The following POLM variants were observed in gnomAD, a reference collection of about 807,000 sequenced individuals.
The protein encoded by POLM is DNA-directed DNA/RNA polymerase mu.
POLM carries 52 observed loss-of-function variants against 56.7 expected under a neutral mutation model. The observed-to-expected ratio is 0.92, with a 90% CI of 0.73 to 1.15. POLM has a LOEUF of 1.15. Ranked by LOEUF, POLM falls within the 50% of genes most tolerant of loss-of-function variation. The pLI is 0.00. For missense variants in POLM, 660 were observed against 663.6 expected, an observed-to-expected ratio of 0.99 and a Z score of 0.06; for synonymous variants, 273 against 274.3, an observed-to-expected ratio of 1.00 and a Z score of 0.05.
chr7:44,072,217 G>A lies in POLM; in HGVS notation c.*1074C>T, dbSNP rs1469593729. 2.6e-5 allele frequency: 4 copies of A among 152,192 alleles called. No individual in the cohort carries two copies. The highest frequency in any genetic ancestry group is 6.5e-5 in the Admixed American group (1 of 15,276). 9.4% of individuals were successfully genotyped at this position (152,192 alleles called of 1,614,324 possible). A position where few individuals can be genotyped will look rare whatever the true frequency, so the allele number is the denominator to read the frequency against. ...TGGGGATGGACCTGGTGTGCCCTAC[G>A]TGTGCAAAAACTGCACCCCAAGAGT... On this transcript the variant is annotated 3_prime_UTR_variant, in exon 11 of 11. Coordinates refer to ENST00000242248, the MANE Select transcript of POLM (RefSeq NM_013284.4).
At chr7:44,078,871 G>A (rs749585016) in intron 4 of POLM, 60 bp from the exon 5 acceptor site, 57 of 1,438,164 alleles carry the variant, frequency 4.0e-5, no homozygotes, top group East Asian at 1.4e-4. Context: ...AGAGAAGGGC[G>A]GGGAGTTAGG....
intron 4 of POLM, 46 bp downstream of exon 4, chr7:44,079,525 G>T: frequency 1.3e-6 from 2 of 1,570,284 alleles, no homozygotes; most frequent in Middle Eastern, 2.0e-4. Context: ...AGGCCCCAAG[G>T]CCTCCCCACC....
Position 44,078,686 on chromosome 7 carries a change from G to C in POLM, c.714+54C>G, listed in dbSNP as rs200114844. ...CCCCGTGCATGGTGTGGACTGTGTT[G>C]TCATTCCCAGGGCAGGACATTCCTG... On this transcript the variant is annotated intron_variant, in intron 5 of 10. Transcript: ENST00000242248. 1.9e-4 allele frequency: 288 copies of C among 1,510,512 alleles called. 1 individual carries two copies. Among genetic ancestry groups the C allele is most frequent in the Non-Finnish European group, 4.4e-5 (48 of 1,086,476 alleles). The allele number at this position is 1,510,512 out of a possible 1,614,324, so 93.6% of individuals were successfully genotyped here.
intron 5 of POLM, chr7:44,078,457 C>A: frequency 2.3e-6 from 1 of 442,682 alleles, no homozygotes; most frequent in Non-Finnish European, 4.2e-6. Flanking sequence ...CAGAGCGAGA[C>A]CCTGTCTCAA....
intron 10 of POLM, 77 bp downstream of exon 10, chr7:44,073,548 T>C: frequency 6.2e-7 from 1 of 1,603,698 alleles, no homozygotes. Flanking sequence ...GCTGGAGGGG[T>C]CTGGGGCCAT....
At chr7:44,074,737 T>G (rs1369282800) in intron 6 of POLM, among the ~76,000 whole-genome samples, 4 of 152,236 alleles carry the variant, frequency 2.6e-5, no homozygotes, top group Non-Finnish European at 4.4e-5. Context: ...AATTTTAAAC[T>G]TTTATTTTGA....
In POLM at chr7:44,073,699, G is replaced by A. The variant is rs368970693; in HGVS notation, c.1324C>T (p.Arg442Trp). Reference protein sequence around the residue: ...LGWTGSKLFQRELRRFSRKEK... With the variant: ...LGWTGSKLFQWELRRFSRKEK... ...TTCCGGCTGAAGCGGCGCAGCTCCC[G>A]CTGGAAAAGCTGTAGGGAAGGGATT... is the stretch of plus-strand genomic sequence containing the variant. The change falls in exon 10 of 11, where the codon CGG becomes TGG. Residue 442 changes from arginine to tryptophan, a missense_variant. Coordinates refer to ENST00000242248, the MANE Select transcript of POLM (RefSeq NM_013284.4). The A allele has an allele frequency of 1.7e-5, 28 of 1,614,162 alleles. No individual in the cohort carries two copies. The highest frequency in any genetic ancestry group is 1.6e-4 in the Middle Eastern group (1 of 6,062).
intron 8 of POLM, 38 bp from the exon 9 acceptor site, chr7:44,074,063 G>A: frequency 6.2e-7 from 1 of 1,609,164 alleles, no homozygotes; most frequent in East Asian, 2.2e-5. Flanking sequence ...ACCATCCGGT[G>A]GTGTGGAGAG....
intron 7 of POLM, 77 bp from the exon 8 acceptor site, chr7:44,074,310 G>C (rs1169331193): frequency 1.9e-6 from 3 of 1,542,964 alleles, no homozygotes; most frequent in Admixed American, 2.0e-5. Flanking sequence ...CTTCCAACGA[G>C]TGGGCCCGCT....
chr7:44,078,686 G>A, intron 5 of POLM, 54 bp downstream of exon 5: 15 of 1,510,636 alleles, frequency 9.9e-6, no homozygotes, highest in African/African-American at 1.4e-5. Context: ...GGACTGTGTT[G>A]TCATTCCCAG....
intron 10 of POLM, 105 bp downstream of exon 10, chr7:44,073,520 G>A (rs908410748): frequency 2.3e-5 from 36 of 1,593,200 alleles, no homozygotes; most frequent in African/African-American, 5.4e-5. Flanking sequence ...ACCCAGATTC[G>A]GGTCCTATGG....
chr7:44,081,773 TCTCA>T (rs2096200643), intron 1 of POLM, among the ~76,000 whole-genome samples: 2 of 132,588 alleles, frequency 1.5e-5, no homozygotes, highest in South Asian at 2.3e-4. Context: ...TGAGACAGAG[TCTCA>T]CTCTGTCGCC....
At position 44,080,814 on chromosome 7, in the gene POLM, TG is replaced by T. The variant is rs745933237; in HGVS notation, c.290del (p.Pro97GlnfsTer6). The T allele has an allele frequency of 1.3e-5, 21 of 1,613,556 alleles. No homozygotes were observed. Among genetic ancestry groups the T allele is most frequent in the African/African-American group, 6.7e-5 (5 of 75,028 alleles). ...MAAAPPGCTP[P>X]ALLDISWLTE... The stretch of plus-strand genomic sequence containing the variant: ...TTAACCAGCTTATGTCCAGCAGAGC[TG>T]GGGGGGTGCAACCCGGGGGAGCAGC... On this transcript the variant is annotated frameshift_variant, in exon 2 of 11. Coordinates refer to ENST00000242248, the MANE Select transcript of POLM (RefSeq NM_013284.4). LOFTEE classifies it high-confidence loss of function.
intron 10 of POLM, 112 bp downstream of exon 10, chr7:44,073,513 C>A (rs986536318): frequency 8.8e-6 from 14 of 1,590,498 alleles, no homozygotes; most frequent in Middle Eastern, 2.1e-4. Context: ...TGTGGAGACC[C>A]AGATTCGGGT....
At position 44,073,274 on chromosome 7, in the gene POLM, G is replaced by T. The variant is rs3218660; in HGVS notation, c.*17C>A. 378,222 of 1,613,764 alleles carry T rather than the reference G, an allele frequency of 0.23. 45,860 individuals carry two copies. Among genetic ancestry groups the T allele is most frequent in the African/African-American group, 0.32 (23,857 of 74,962 alleles). ...GCAGCCCAATTTCCTGAGTGGAAGT[G>T]GGGGACACAGGCAGGCTCAGGCGTT... On this transcript the variant is annotated 3_prime_UTR_variant, in exon 11 of 11. Transcript: ENST00000242248.
chr7:44,075,824 G>C (rs1197589529), intron 6 of POLM: 2 of 148,884 alleles, frequency 1.3e-5, no homozygotes, highest in East Asian at 2.0e-4. Flanking sequence ...CTCAAGGCTT[G>C]ACCTCCCGGG....
Position 44,073,183 on chromosome 7 carries a change from G to A in POLM, c.*108C>T, listed in dbSNP as rs1178294088. 2.5e-6 allele frequency: 4 copies of A among 1,586,334 alleles called. No homozygotes were observed. The South Asian group carries it at 3.4e-5, about 13-fold the overall frequency. On this transcript the variant is annotated 3_prime_UTR_variant, in exon 11 of 11. Transcript: ENST00000242248. ...TCCGGAAGAGCCAGGCCTTGGCGGG[G>A]AGGGGTGAAGGTGGGGGTCAGGGGG...
Position 44,073,039 on chromosome 7 carries a change from G to A in POLM, c.*252C>T. 2 of 1,352,732 alleles carry A rather than the reference G, an allele frequency of 1.5e-6. No homozygotes were observed. The highest frequency in any genetic ancestry group is 1.6e-5 in the South Asian group (1 of 63,644). 83.8% of individuals were successfully genotyped at this position (1,352,732 alleles called of 1,614,324 possible). ...TCCAGGGCAGGAACGTGAGCCATGG[G>A]GAGGCTAAGAGCAGACCCAGGGTCA... On this transcript the variant is annotated 3_prime_UTR_variant, in exon 11 of 11. Coordinates refer to ENST00000242248, the MANE Select transcript of POLM (RefSeq NM_013284.4).
At chr7:44,079,435 T>C (rs1217871086) in intron 4 of POLM, 136 bp downstream of exon 4, 1 of 768,510 alleles carries the variant, frequency 1.3e-6, no homozygotes, top group Non-Finnish European at 2.1e-6. Flanking sequence ...AGAGGGTGGC[T>C]TGTTGAGGCC....
Sources: allele counts gnomAD v4.1 joint callset (sites outside exome capture counted in the v4.1 genomes callset), GRCh38; gene constraint gnomAD v4.1.1; transcripts MANE v1.5; gene names NCBI Gene and HGNC (gene_info 2026-07-23, HGNC 2026-07-21).